The following LCORL variants were observed in gnomAD, a reference collection of about 807,000 sequenced individuals.
LCORL encodes the protein ligand-dependent nuclear receptor corepressor-like protein.
LCORL carries 41 observed loss-of-function variants against 141.8 expected under a neutral mutation model. That is an observed-to-expected ratio of 0.29 (90% CI 0.23 to 0.38). The LOEUF is 0.38. Ranked by LOEUF, LCORL falls within the 10% of genes least tolerant of loss-of-function variation. LCORL has a pLI of 1.00. For synonymous variants in LCORL, 618 were observed against 694.1 expected (o/e 0.89, Z 1.72); for missense variants, 1,759 against 2,035.0 (o/e 0.86, Z 2.61).
At chr4:17,961,827 A>G (rs1216451608) in intron 4 of LCORL, 76 bp downstream of exon 4, 37 of 1,255,942 alleles carry the variant, frequency 2.9e-5, no homozygotes, top group Non-Finnish European at 3.9e-5. Context: ...GACATATAAA[A>G]AACTTTTGTG....
intron 4 of LCORL, 34 bp downstream of exon 4, chr4:17,961,869 G>A: frequency 1.3e-6 from 2 of 1,578,596 alleles, no homozygotes; most frequent in Non-Finnish European, 1.7e-6. Context: ...CATCTCTATT[G>A]CAAATTTTAA....
chr4:17,955,271 T>C (rs962845508), intron 4 of LCORL, among the ~76,000 whole-genome samples: 1 of 152,204 alleles, frequency 6.6e-6, no homozygotes, highest in Non-Finnish European at 1.5e-5. Context: ...GAGAAATGAC[T>C]GGCATTCCTT....
chr4:17,968,340 T>C (rs1298489205), intron 2 of LCORL, among the ~76,000 whole-genome samples: 14 of 152,146 alleles, frequency 9.2e-5, no homozygotes. Context: ...ATATAAATAA[T>C]CATCAATTCA....
chr4:17,860,039 G>C (rs1724818968), intron 7 of LCORL, among the ~76,000 whole-genome samples: 1 of 152,112 alleles, frequency 6.6e-6, no homozygotes, highest in Admixed American at 6.5e-5. Flanking sequence ...TATTGGGATA[G>C]GAAAAATCAA....
At chr4:17,978,283 T>C (rs1265938807) in intron 1 of LCORL, among the ~76,000 whole-genome samples, 1 of 152,176 alleles carries the variant, frequency 6.6e-6, no homozygotes, top group Non-Finnish European at 1.5e-5. Flanking sequence ...GGAAGGTAAG[T>C]TACTTAAAGT....
chr4:17,933,937 T>C (rs1057362997), intron 4 of LCORL, among the ~76,000 whole-genome samples: 2 of 151,950 alleles, frequency 1.3e-5, no homozygotes, highest in African/African-American at 4.8e-5. Flanking sequence ...TCCTTCTACT[T>C]ATTAACAAGA....
At chr4:17,992,188 C>G (rs1015838988) in intron 1 of LCORL, among the ~76,000 whole-genome samples, 3 of 152,140 alleles carry the variant, frequency 2.0e-5, no homozygotes, top group African/African-American at 7.2e-5. Context: ...AAATAACTTA[C>G]GATCATGGTG....
intron 7 of LCORL, among the ~76,000 whole-genome samples, chr4:17,846,251 G>GA (rs972341988): frequency 6.6e-6 from 1 of 151,474 alleles, no homozygotes; most frequent in Non-Finnish European, 1.5e-5. Flanking sequence ...GCCACTTTGA[G>GA]AAAAAAAAGG....
intron 1 of LCORL, among the ~76,000 whole-genome samples, chr4:17,998,985 A>AAAAATAT (rs1374815646): frequency 0.037 from 2,110 of 57,808 alleles, 127 homozygotes; most frequent in Non-Finnish European, 0.058. Flanking sequence ...AAAAAAAAAA[A>AAAAATAT]ATATATATAT....
At chr4:17,863,341 G>C (rs1725233860) in intron 7 of LCORL, among the ~76,000 whole-genome samples, 1 of 152,028 alleles carries the variant, frequency 6.6e-6, no homozygotes, top group Non-Finnish European at 1.5e-5. Flanking sequence ...GTGAGCAAAG[G>C]ACATGAACAG....
intron 4 of LCORL, among the ~76,000 whole-genome samples, chr4:17,922,878 A>G (rs567119681): frequency 1.3e-5 from 2 of 152,260 alleles, no homozygotes; most frequent in East Asian, 3.9e-4. Context: ...AACATCCCCA[A>G]CACATCCCTT....
In LCORL at chr4:17,998,985, A is replaced by AATATATAT. The variant is rs1274746631; in HGVS notation, c.154+22605_154+22612dup. On this transcript the variant is annotated intron_variant, in intron 1 of 7. Transcript: ENST00000635767. ...GTCTCAAAAAAAAAAAAAAAAAAAAAATATATATATATATATATACACACA... is the reference window on the plus strand; with the variant it reads ...GTCTCAAAAAAAAAAAAAAAAAAAAAATATATATATATATATATATATATATACACACA... Among the ~76,000 whole-genome samples, 206 of 57,860 alleles carry AATATATAT rather than the reference A, an allele frequency of 3.6e-3. 4 individuals carry two copies. Among genetic ancestry groups the AATATATAT allele is most frequent in the Middle Eastern group, 0.016 (1 of 64 alleles). 38.0% of individuals were successfully genotyped at this position (57,860 alleles called of 152,430 possible).
At chr4:17,945,347 C>A (rs879418501) in intron 4 of LCORL, among the ~76,000 whole-genome samples, 7 of 150,984 alleles carry the variant, frequency 4.6e-5, no homozygotes, top group African/African-American at 7.3e-5. Context: ...GACAGAACTT[C>A]AACATTTTAT....
At chr4:17,931,326 A>T (rs934534612) in intron 4 of LCORL, among the ~76,000 whole-genome samples, 1 of 151,282 alleles carries the variant, frequency 6.6e-6, no homozygotes, top group African/African-American at 2.4e-5. Flanking sequence ...AACCTCATTA[A>T]TTTTTTGCTT....
chr4:17,928,914 C>G (rs1020462859), intron 4 of LCORL, among the ~76,000 whole-genome samples: 5 of 151,594 alleles, frequency 3.3e-5, no homozygotes, highest in African/African-American at 1.2e-4. Flanking sequence ...AATCTGTATA[C>G]AAACAAACAT....
chr4:17,933,854 T>C (rs980146401), intron 4 of LCORL, among the ~76,000 whole-genome samples: 1 of 152,198 alleles, frequency 6.6e-6, no homozygotes, highest in Admixed American at 6.5e-5. Flanking sequence ...ATTTGAATGG[T>C]AGAATGGAAT....
At chr4:17,848,705 T>C (rs1023014340) in intron 7 of LCORL, among the ~76,000 whole-genome samples, 1 of 152,182 alleles carries the variant, frequency 6.6e-6, no homozygotes, top group Admixed American at 6.5e-5. Context: ...GTGCACCGTG[T>C]GCGAGCCGAA....
intron 2 of LCORL, among the ~76,000 whole-genome samples, chr4:17,967,512 TA>T (rs1715144793): frequency 6.6e-6 from 1 of 152,222 alleles, no homozygotes; most frequent in Non-Finnish European, 1.5e-5. Context: ...CTGTACTTTC[TA>T]CTCAATTTTT....
At chr4:17,858,295 G>A (rs1251577933) in intron 7 of LCORL, among the ~76,000 whole-genome samples, 1 of 151,060 alleles carries the variant, frequency 6.6e-6, no homozygotes. Context: ...CACAGAAATA[G>A]TAATATGCAG....
Sources: allele counts gnomAD v4.1 joint callset (sites outside exome capture counted in the v4.1 genomes callset), GRCh38; gene constraint gnomAD v4.1.1; transcripts MANE v1.5; gene names NCBI Gene and HGNC (gene_info 2026-07-23, HGNC 2026-07-21).